Variants in SGK1 observed in about 807,000 individuals in gnomAD.
SGK1 encodes serine/threonine-protein kinase Sgk1.
Under a neutral mutation model 64.2 loss-of-function variants are expected in SGK1, and 26 were observed. The ratio of observed to expected loss-of-function variants is 0.40; its 90% confidence interval spans 0.30 to 0.56. SGK1 has a LOEUF of 0.56. SGK1 is among the 20% of genes least tolerant of loss of function. The pLI is 0.38. For synonymous variants in SGK1, 265 were observed against 239.7 expected (o/e 1.11, Z -0.98); for missense variants, 519 against 645.6 (o/e 0.80, Z 2.12).
intron 1 of SGK1, among the ~76,000 whole-genome samples, chr6:134,282,627 T>G (rs1777111952): frequency 6.6e-6 from 1 of 151,020 alleles, no homozygotes; most frequent in Non-Finnish European, 1.5e-5. Context: ...CACTCCAGCC[T>G]GGGCAACAGA....
chr6:134,175,670 G>A, intron 3 of SGK1: 1 of 1,489,278 alleles, frequency 6.7e-7, no homozygotes, highest in Non-Finnish European at 8.9e-7. Context: ...ATGGGCAGCG[G>A]GCGGCGGGGC....
chr6:134,295,439 C>G (rs781265394), intron 1 of SGK1, among the ~76,000 whole-genome samples: 5 of 152,204 alleles, frequency 3.3e-5, no homozygotes, highest in Non-Finnish European at 7.3e-5. Context: ...TGTGGTGGCT[C>G]AAACCTGTAA....
intron 1 of SGK1, among the ~76,000 whole-genome samples, chr6:134,302,689 ATACTT>A (rs750218370): frequency 2.6e-5 from 4 of 152,186 alleles, no homozygotes; most frequent in African/African-American, 4.8e-5. Flanking sequence ...TTGGGGCTAA[ATACTT>A]TACATGCGTT....
intron 3 of SGK1, among the ~76,000 whole-genome samples, chr6:134,182,358 C>T (rs1037564813): frequency 1.3e-5 from 2 of 151,728 alleles, no homozygotes; most frequent in African/African-American, 4.8e-5. Context: ...AACCAGCAGG[C>T]CAACATGGTG....
chr6:134,203,998 A>T (rs1582707933), intron 3 of SGK1, among the ~76,000 whole-genome samples: 1 of 151,804 alleles, frequency 6.6e-6, no homozygotes, highest in East Asian at 1.9e-4. Context: ...CAGGAGGCAG[A>T]GGTTGCAGTG....
intron 2 of SGK1, among the ~76,000 whole-genome samples, chr6:134,238,176 C>G (rs886618695): frequency 6.6e-6 from 1 of 152,080 alleles, no homozygotes; most frequent in African/African-American, 2.4e-5. Context: ...AGTAAACAAC[C>G]GATTTCCTGA....
chr6:134,204,326 T>A (rs1468079452), intron 3 of SGK1, among the ~76,000 whole-genome samples: 7 of 151,824 alleles, frequency 4.6e-5, no homozygotes, highest in Admixed American at 6.6e-5. Flanking sequence ...GGGAAGGATC[T>A]TCATGAGATG....
At chr6:134,179,452 G>C (rs1301975354) in intron 3 of SGK1, among the ~76,000 whole-genome samples, 1 of 147,470 alleles carries the variant, frequency 6.8e-6, no homozygotes, top group African/African-American at 2.5e-5. Context: ...GAGAGAAACT[G>C]AATGGATCAG....
rs191191096 is a variant in SGK1, at chr6:134,250,486, C to T, written c.285+11447G>A. 7.2e-5 allele frequency among the ~76,000 whole-genome samples: 11 copies of T among 152,260 alleles called. No individual in the cohort carries two copies. The East Asian group carries it at 1.7e-3, about 24-fold the overall frequency. On this transcript the variant is annotated intron_variant, in intron 2 of 13. Coordinates refer to ENST00000367858, the MANE Select transcript of SGK1 (RefSeq NM_001143676.3). ...TCAAAAAGACAAGGGGATCTAACAT[C>T]AATGACAAGTAAAAATAGAAAGATT... is the stretch of plus-strand genomic sequence containing the variant.
chr6:134,276,409 A>G (rs1188095912), intron 1 of SGK1, among the ~76,000 whole-genome samples: 1 of 152,154 alleles, frequency 6.6e-6, no homozygotes, highest in Non-Finnish European at 1.5e-5. Context: ...AGAGAGAGGA[A>G]AGCATGTTTC....
chr6:134,293,919 G>T (rs1314431767), intron 1 of SGK1, among the ~76,000 whole-genome samples: 1 of 152,160 alleles, frequency 6.6e-6, no homozygotes, highest in East Asian at 1.9e-4. Context: ...TTTCACCTGT[G>T]TACATCCAGA....
At chr6:134,206,844 G>A (rs1165557028) in intron 3 of SGK1, among the ~76,000 whole-genome samples, 2 of 148,298 alleles carry the variant, frequency 1.3e-5, no homozygotes, top group African/African-American at 2.5e-5. Flanking sequence ...TCCAGCCTGG[G>A]CGACAGAGCA....
intron 1 of SGK1, among the ~76,000 whole-genome samples, chr6:134,280,322 C>G (rs1777074960): frequency 6.6e-6 from 1 of 151,900 alleles, no homozygotes. Flanking sequence ...GATTACCTAT[C>G]TTACTCACGG....
chr6:134,297,747 T>C (rs763450447), intron 1 of SGK1: 22 of 476,276 alleles, frequency 4.6e-5, no homozygotes, highest in Non-Finnish European at 5.4e-5. Context: ...GTGATCAGCC[T>C]GCCTCGGCCT....
intron 9 of SGK1, 35 bp from the exon 10 acceptor site, chr6:134,172,351 G>A (rs1775057496): frequency 6.3e-7 from 1 of 1,591,012 alleles, no homozygotes; most frequent in Admixed American, 1.7e-5. Flanking sequence ...AGTTGCACAA[G>A]TTAATTTCAC....
intron 3 of SGK1, chr6:134,175,636 G>A (rs751917427): frequency 3.7e-4 from 563 of 1,533,466 alleles, no homozygotes; most frequent in Non-Finnish European, 4.6e-4. Flanking sequence ...CCGGGCTCTG[G>A]CCAGCGCGCC....
chr6:134,190,217 T>C (rs1775487787), intron 3 of SGK1, among the ~76,000 whole-genome samples: 1 of 152,074 alleles, frequency 6.6e-6, no homozygotes, highest in African/African-American at 2.4e-5. Context: ...GACTTTTCCT[T>C]CTATAGTGGG....
intron 1 of SGK1, among the ~76,000 whole-genome samples, chr6:134,307,991 A>G (rs1777559548): frequency 1.3e-5 from 2 of 152,204 alleles, no homozygotes; most frequent in Admixed American, 6.5e-5. Flanking sequence ...TCCTGCACCC[A>G]GCACGTGTAT....
intron 5 of SGK1, 72 bp from the exon 6 acceptor site, chr6:134,173,638 T>A: frequency 9.8e-7 from 1 of 1,024,976 alleles, no homozygotes; most frequent in Non-Finnish European, 1.4e-6. Flanking sequence ...ATAAACGATG[T>A]AGAAAATGTT....
Sources: gnomAD v4.1 joint callset for allele counts (sites outside exome capture counted in the v4.1 genomes callset) on GRCh38, gnomAD v4.1.1 for gene constraint, MANE v1.5 for transcripts, NCBI Gene and HGNC (gene_info 2026-07-23, HGNC 2026-07-21) for gene names.